Variants in FOXN3 observed in about 807,000 individuals in gnomAD.
FOXN3 encodes the protein forkhead box protein N3.
Under a neutral mutation model 38.4 loss-of-function variants are expected in FOXN3, and 7 were observed. The observed-to-expected ratio is 0.18, with a 90% CI of 0.10 to 0.34. The LOEUF (loss-of-function observed/expected upper bound fraction) is 0.34. Among genes scored for constraint, FOXN3 ranks in the 10% least tolerant of loss-of-function variants. FOXN3 has a pLI of 1.00. For missense variants in FOXN3, 456 were observed against 613.4 expected (o/e 0.74, Z 2.71); for synonymous variants, 230 against 242.2 (o/e 0.95, Z 0.47).
chr14:89,307,125 G>A (rs1373443063), intron 3 of FOXN3, among the ~76,000 whole-genome samples: 1 of 152,194 alleles, frequency 6.6e-6, no homozygotes, highest in Non-Finnish European at 1.5e-5. Flanking sequence ...AACCTAGGTT[G>A]CTCTGAGTGT....
At chr14:89,514,321 T>C (rs1894159666) in intron 1 of FOXN3, among the ~76,000 whole-genome samples, 1 of 152,140 alleles carries the variant, frequency 6.6e-6, no homozygotes, top group African/African-American at 2.4e-5. Context: ...TGTAAATGCA[T>C]TTGCCCTTGG....
upstream of FOXN3, among the ~76,000 whole-genome samples, chr14:89,420,103 C>T (rs1257471138): frequency 6.6e-6 from 1 of 152,210 alleles, no homozygotes; most frequent in Non-Finnish European, 1.5e-5. Context: ...ATAGGTGACT[C>T]CACTCTCTAC....
At chr14:89,532,218 C>G (rs1894585145) in intron 1 of FOXN3, among the ~76,000 whole-genome samples, 2 of 152,158 alleles carry the variant, frequency 1.3e-5, no homozygotes, top group Admixed American at 1.3e-4. Context: ...AGCTCAATTT[C>G]AAAAGGTCTG....
intron 3 of FOXN3, among the ~76,000 whole-genome samples, chr14:89,327,023 T>C (rs1199290943): frequency 6.6e-6 from 1 of 152,134 alleles, no homozygotes; most frequent in African/African-American, 2.4e-5. Context: ...GGGTCTTTGC[T>C]GGTGATTAGA....
intron 2 of FOXN3, among the ~76,000 whole-genome samples, chr14:89,388,208 G>T (rs547995465): frequency 6.6e-6 from 1 of 152,128 alleles, no homozygotes; most frequent in African/African-American, 2.4e-5. Flanking sequence ...CTAAATGGGC[G>T]AACACACACT....
rs118159455 is a variant in FOXN3 at position 89,437,514 on chromosome 14, G to A, written c.-14-25024C>T. Among the ~76,000 whole-genome samples the A allele has an allele frequency of 5.6e-4, 86 of 152,226 alleles. 1 individual carries two copies. In the East Asian group the frequency reaches 8.7e-3, roughly 15 times the overall value. On this transcript the variant is annotated intron_variant, in intron 1 of 6. Transcript: ENST00000345097. ...ACCAGGGCAACTCCATCTTGAATAC[G>A]AGCTGTGTAAAATGAGGCTGAGACC...
intron 4 of FOXN3, among the ~76,000 whole-genome samples, chr14:89,212,278 T>A (rs1024291414): frequency 2.0e-5 from 3 of 152,228 alleles, no homozygotes; most frequent in African/African-American, 7.2e-5. Flanking sequence ...GGATCGTGTG[T>A]TGGGGGCACT....
intron 1 of FOXN3, among the ~76,000 whole-genome samples, chr14:89,424,223 G>C (rs1891975918): frequency 6.6e-6 from 1 of 152,158 alleles, no homozygotes; most frequent in South Asian, 2.1e-4. Context: ...TTTAAGTGAG[G>C]CTTTCCCTTT....
At chr14:89,317,664 AG>A (rs1887761515) in intron 3 of FOXN3, among the ~76,000 whole-genome samples, 1 of 151,960 alleles carries the variant, frequency 6.6e-6, no homozygotes, top group Non-Finnish European at 1.5e-5. Context: ...GACAAATAGG[AG>A]TTTGGCACCT....
At chr14:89,291,594 T>C (rs1205051483) in intron 3 of FOXN3, 3 of 526,916 alleles carry the variant, frequency 5.7e-6, no homozygotes, top group Non-Finnish European at 1.1e-5. Flanking sequence ...ATGTCTGCCA[T>C]TCTGCTTTGC....
At position 89,548,212 on chromosome 14, in the gene FOXN3, G is replaced by A. The variant is rs911365547; in HGVS notation, c.-15+70816C>T. ...CTTTCACTTGCTTACTCCTGCCTGC[G>A]CTTTCTCTCCCTCCCACCCTTAATC... On this transcript the variant is annotated intron_variant, in intron 1 of 6. Coordinates refer to the FOXN3 transcript ENST00000345097. The surrounding 1 kb of genome is among the most constrained non-coding windows in gnomAD (Gnocchi z 4.8). Among the ~76,000 whole-genome samples, 1 of 152,188 alleles carries A rather than the reference G, an allele frequency of 6.6e-6. No individual in the cohort carries two copies. Among genetic ancestry groups the A allele is most frequent in the South Asian group, 2.1e-4 (1 of 4,816 alleles).
intron 1 of FOXN3, among the ~76,000 whole-genome samples, chr14:89,433,778 C>T (rs1892215440): frequency 6.6e-6 from 1 of 151,050 alleles, no homozygotes; most frequent in Admixed American, 6.6e-5. Context: ...CGCCACTTCA[C>T]TCCAGCCTGG....
intron 1 of FOXN3, among the ~76,000 whole-genome samples, chr14:89,494,504 A>ACTT (rs1203431163): frequency 6.6e-6 from 1 of 152,206 alleles, no homozygotes; most frequent in Non-Finnish European, 1.5e-5. Flanking sequence ...CCTTTCCTGA[A>ACTT]CTTCTCCTGG....
Position 89,181,260 on chromosome 14 carries a change from A to C in FOXN3, c.746-454T>G, listed in dbSNP as rs191116882. Among the ~76,000 whole-genome samples the C allele has an allele frequency of 8.5e-5, 13 of 152,284 alleles. No individual in the cohort carries two copies. The East Asian group carries it at 2.5e-3, about 29-fold the overall frequency. On this transcript the variant is annotated intron_variant, in intron 4 of 5. Transcript: ENST00000557258. ...CAAATAGTATTTTCTCACATTTATT[A>C]AACATAACCTTTTACCTTCAGTCAG...
At chr14:89,496,946 T>C (rs1893696964) in intron 1 of FOXN3, among the ~76,000 whole-genome samples, 1 of 152,220 alleles carries the variant, frequency 6.6e-6, no homozygotes, top group Non-Finnish European at 1.5e-5. Flanking sequence ...TGTTGTAGCA[T>C]GTGTCAGAAT....
chr14:89,491,768 C>G (rs1453603235), intron 1 of FOXN3, among the ~76,000 whole-genome samples: 1 of 152,132 alleles, frequency 6.6e-6, no homozygotes, highest in Non-Finnish European at 1.5e-5. Context: ...AGTCATTCCA[C>G]CTTGCCACTA....
chr14:89,604,261 G>T (rs999249626), intron 1 of FOXN3, among the ~76,000 whole-genome samples: 3 of 147,868 alleles, frequency 2.0e-5, no homozygotes, highest in Non-Finnish European at 4.5e-5. Flanking sequence ...ACACACGCGC[G>T]CGCACACACA....
intron 1 of FOXN3, among the ~76,000 whole-genome samples, chr14:89,572,899 C>T (rs1056968165): frequency 2.0e-5 from 3 of 152,164 alleles, no homozygotes; most frequent in African/African-American, 4.8e-5. Flanking sequence ...TCTAATTGCT[C>T]GGGGTCATCG....
intron 3 of FOXN3, among the ~76,000 whole-genome samples, chr14:89,326,160 C>A (rs1331156911): frequency 1.3e-5 from 2 of 152,206 alleles, no homozygotes; most frequent in Non-Finnish European, 2.9e-5. Flanking sequence ...AAGTAAAGAA[C>A]AAACCTACCA....
Sources: gnomAD v4.1 joint callset for allele counts (sites outside exome capture counted in the v4.1 genomes callset) on GRCh38, gnomAD v4.1.1 for gene constraint, Gnocchi (gnomAD v3.1) non-coding constraint, MANE v1.5 for transcripts, NCBI Gene and HGNC (gene_info 2026-07-23, HGNC 2026-07-21) for gene names.